ANKAR: variants seen among roughly 807,000 people sequenced by gnomAD.
ANKAR encodes ankyrin and armadillo repeat containing, also known as ankyrin and armadillo repeat-containing protein.
ANKAR carries 136 observed loss-of-function variants against 146.2 expected under a neutral mutation model. That is an observed-to-expected ratio of 0.93 (90% CI 0.81 to 1.07). The LOEUF is 1.07. Ranked by LOEUF, ANKAR falls within the 50% of genes least tolerant of loss-of-function variation. The pLI is 0.00. For synonymous variants in ANKAR, 500 were observed against 575.8 expected, an observed-to-expected ratio of 0.87 and a Z score of 1.88; for missense variants, 1,567 against 1,679.9, an observed-to-expected ratio of 0.93 and a Z score of 1.18.
At chr2:189,695,501 T>G (rs2037070368) in intron 6 of ANKAR, among the ~76,000 whole-genome samples, 1 of 152,170 alleles carries the variant, frequency 6.6e-6, no homozygotes, top group Non-Finnish European at 1.5e-5. Context: ...AAATTTGAGG[T>G]GTAGAGAGGG....
chr2:189,760,647 T>C (rs2046901214), intron 18 of ANKAR, among the ~76,000 whole-genome samples: 1 of 151,728 alleles, frequency 6.6e-6, no homozygotes, highest in Non-Finnish European at 1.5e-5. Context: ...AAAAATCAGC[T>C]GGGCGTGGTG....
intron 16 of ANKAR, among the ~76,000 whole-genome samples, chr2:189,731,375 TC>T (rs1388382210): frequency 7.0e-5 from 2 of 28,664 alleles, no homozygotes; most frequent in Non-Finnish European, 1.4e-4. Flanking sequence ...TTTTCTTTTT[TC>T]TTTTTTTTTT....
At chr2:189,731,809 T>C (rs569434094) in intron 16 of ANKAR, among the ~76,000 whole-genome samples, 2 of 152,174 alleles carry the variant, frequency 1.3e-5, no homozygotes, top group Non-Finnish European at 2.9e-5. Context: ...ACAGTGATCC[T>C]CCCACCTCAG....
At chr2:189,697,827 A>C (rs1310051675) in intron 7 of ANKAR, among the ~76,000 whole-genome samples, 1 of 152,032 alleles carries the variant, frequency 6.6e-6, no homozygotes, top group Non-Finnish European at 1.5e-5. Context: ...ACCAACACAA[A>C]ATTGTCCCAC....
At chr2:189,742,080 G>A (rs1415092125) in intron 20 of ANKAR, among the ~76,000 whole-genome samples, 4 of 152,180 alleles carry the variant, frequency 2.6e-5, no homozygotes, top group Admixed American at 2.0e-4. Flanking sequence ...GCTTGCCTCT[G>A]AGTGTTCCCC....
rs2037516216 is a variant in ANKAR, at chr2:189,698,133, AGTATTTGGTGCATTT to A, written c.1708+1765_1708+1779del. ...GAAAGAAATGGTAAGACATAAATAA[AGTATTTGGTGCATTT>A]AAAAAGGCTATTGCATATATTAGAA... On this transcript the variant is annotated intron_variant, in intron 7 of 22. Coordinates refer to ENST00000684021, the MANE Select transcript of ANKAR (RefSeq NM_001378068.1). 2.0e-5 allele frequency among the ~76,000 whole-genome samples: 3 copies of A among 152,220 alleles called. No individual in the cohort carries two copies. In the South Asian group the frequency reaches 6.2e-4, roughly 32 times the overall value.
chr2:189,722,935 G>C (rs749781362), intron 12 of ANKAR, among the ~76,000 whole-genome samples: 1 of 150,554 alleles, frequency 6.6e-6, no homozygotes, highest in Non-Finnish European at 1.5e-5. Flanking sequence ...TGAAATAAAA[G>C]TATTTTTTCC....
In ANKAR at chr2:189,704,227, C is replaced by T. The variant is rs564646223; in HGVS notation, c.1709-796C>T. Among the ~76,000 whole-genome samples the T allele has an allele frequency of 1.5e-4, 22 of 151,622 alleles. No individual in the cohort carries two copies. The South Asian group carries it at 2.3e-3, about 16-fold the overall frequency. ...CATGATCTCTGCTCACTACAACCTC[C>T]GCCTCCCAGGCTCAAGCGATTCTCC... On this transcript the variant is annotated intron_variant, in intron 7 of 22. Coordinates refer to ENST00000684021, the MANE Select transcript of ANKAR (RefSeq NM_001378068.1).
chr2:189,682,515 T>C (rs1439395357), intron 2 of ANKAR, among the ~76,000 whole-genome samples: 1 of 152,100 alleles, frequency 6.6e-6, no homozygotes, highest in Non-Finnish European at 1.5e-5. Context: ...GGTTTCCCCA[T>C]CATGCACCAC....
At chr2:189,737,636 A>G in intron 17 of ANKAR, 47 bp from the exon 18 acceptor site, 1 of 1,529,434 alleles carries the variant, frequency 6.5e-7, no homozygotes, top group African/African-American at 1.4e-5. Flanking sequence ...ATGTTGAGTA[A>G]CATGATAAAT....
chr2:189,719,501 C>T, intron 10 of ANKAR, 71 bp from the exon 11 acceptor site: 3 of 1,272,334 alleles, frequency 2.4e-6, no homozygotes, highest in Non-Finnish European at 2.1e-6. Context: ...TTAAATATTG[C>T]CATGATAAAT....
intron 10 of ANKAR, among the ~76,000 whole-genome samples, chr2:189,714,907 C>G (rs2040208711): frequency 7.1e-6 from 1 of 140,872 alleles, no homozygotes; most frequent in East Asian, 2.1e-4. Flanking sequence ...AATCATGCCA[C>G]TGCACTCCAG....
intron 18 of ANKAR, among the ~76,000 whole-genome samples, chr2:189,759,879 G>A (rs1574919978): frequency 6.6e-6 from 1 of 152,202 alleles, no homozygotes; most frequent in African/African-American, 2.4e-5. Flanking sequence ...AAAGGTCTCT[G>A]GTTTTCCTAG....
intron 12 of ANKAR, among the ~76,000 whole-genome samples, chr2:189,722,797 G>T (rs183960267): frequency 3.9e-4 from 59 of 151,444 alleles, no homozygotes; most frequent in Admixed American, 1.4e-3. Context: ...CAGGATAATC[G>T]CTTGAAGCTG....
chr2:189,676,635 A>G lies in ANKAR; in HGVS notation c.145A>G (p.Thr49Ala). 1.2e-6 allele frequency: 2 copies of G among 1,614,190 alleles called. No individual in the cohort carries two copies. Among genetic ancestry groups the G allele is most frequent in the South Asian group, 1.1e-5 (1 of 91,088 alleles). ...GAGTGAAATACAAGAGTTACTAACT[A>G]CTGCACTAGTTAGCTGGTTGTCTGC... ...DRSEIQELLT[T>A]ALVSWLSAKE... Residue 49 changes from threonine to alanine, a missense_variant, in exon 2 of 23, where the codon ACT becomes GCT. Coordinates refer to ENST00000684021, the MANE Select transcript of ANKAR (RefSeq NM_001378068.1).
intron 9 of ANKAR, among the ~76,000 whole-genome samples, chr2:189,708,269 T>C (rs142235081): frequency 1.5e-3 from 224 of 152,320 alleles, no homozygotes; most frequent in African/African-American, 5.0e-3. Context: ...CAAAAAGATA[T>C]TTTGAGAGAG....
chr2:189,716,197 C>G (rs534643564), intron 10 of ANKAR, among the ~76,000 whole-genome samples: 1 of 152,346 alleles, frequency 6.6e-6, no homozygotes, highest in East Asian at 1.9e-4. Context: ...ACCCCACTGT[C>G]TCAGTCCAAA....
chr2:189,722,221 C>T (rs137899129), intron 12 of ANKAR, among the ~76,000 whole-genome samples: 1,574 of 151,826 alleles, frequency 0.01, 33 homozygotes, highest in African/African-American at 0.036. Flanking sequence ...CGCCTGTAAT[C>T]CCAGCTACTT....
chr2:189,704,453 G>T (rs1340058926), intron 7 of ANKAR, among the ~76,000 whole-genome samples: 1 of 146,994 alleles, frequency 6.8e-6, no homozygotes, highest in Non-Finnish European at 1.5e-5. Flanking sequence ...CCCATTTTTG[G>T]GACTCTACCC....
Sources: gnomAD v4.1 joint callset for allele counts (sites outside exome capture counted in the v4.1 genomes callset) on GRCh38, gnomAD v4.1.1 for gene constraint, MANE v1.5 for transcripts, NCBI Gene and HGNC (gene_info 2026-07-23, HGNC 2026-07-21) for gene names.